The following ATP2B1 variants were observed in gnomAD, a reference collection of about 807,000 sequenced individuals.
The protein encoded by ATP2B1 is ATPase plasma membrane Ca2+ transporting 1.
Under a neutral mutation model 124.2 loss-of-function variants are expected in ATP2B1, and 14 were observed. That is an observed-to-expected ratio of 0.11 (90% CI 0.07 to 0.18). ATP2B1 has a LOEUF of 0.18. ATP2B1 is among the 10% of genes least tolerant of loss of function. ATP2B1 has a pLI of 1.00. For synonymous variants in ATP2B1, 449 were observed against 492.4 expected, an observed-to-expected ratio of 0.91 and a Z score of 1.17; for missense variants, 763 against 1,466.1, an observed-to-expected ratio of 0.52 and a Z score of 7.83.
intron 1 of ATP2B1, among the ~76,000 whole-genome samples, chr12:89,707,618 G>A (rs77202725): frequency 0.019 from 2,930 of 152,256 alleles, 78 homozygotes; most frequent in African/African-American, 0.068. Flanking sequence ...CTGTCGAGGA[G>A]GGTCGAGCCC....
chr12:89,649,352 T>C (rs952631970), intron 2 of ATP2B1, among the ~76,000 whole-genome samples: 1 of 152,236 alleles, frequency 6.6e-6, no homozygotes, highest in African/African-American at 2.4e-5. Flanking sequence ...GACATCGCCC[T>C]TTGTATCAGT....
intron 1 of ATP2B1, among the ~76,000 whole-genome samples, chr12:89,674,497 C>T (rs1347249845): frequency 6.6e-6 from 1 of 152,164 alleles, no homozygotes; most frequent in Non-Finnish European, 1.5e-5. Flanking sequence ...CTCTGGCTTG[C>T]TGCCAAATCT....
At chr12:89,707,144 C>G (rs752715962) in intron 1 of ATP2B1, among the ~76,000 whole-genome samples, 3 of 152,132 alleles carry the variant, frequency 2.0e-5, no homozygotes, top group Non-Finnish European at 2.9e-5. Context: ...TCCAATCCCT[C>G]TTAATTCCCC....
At chr12:89,612,589 T>G (rs1187661503) in intron 12 of ATP2B1, among the ~76,000 whole-genome samples, 1 of 152,214 alleles carries the variant, frequency 6.6e-6, no homozygotes. Context: ...TTAATGTTTC[T>G]AACTCCCCCC....
intron 12 of ATP2B1, 96 bp downstream of exon 12, chr12:89,616,706 C>A: frequency 6.8e-6 from 8 of 1,178,590 alleles, no homozygotes; most frequent in South Asian, 1.6e-5. Context: ...AAATCACAAA[C>A]ACCAAGAATT....
intron 2 of ATP2B1, among the ~76,000 whole-genome samples, chr12:89,643,172 A>G (rs1297886260): frequency 1.3e-5 from 2 of 150,566 alleles, no homozygotes; most frequent in Non-Finnish European, 3.0e-5. Flanking sequence ...ATGTATGTAT[A>G]TATGTATATG....
intron 1 of ATP2B1, among the ~76,000 whole-genome samples, chr12:89,678,894 G>C (rs1293648607): frequency 2.0e-5 from 3 of 152,124 alleles, no homozygotes; most frequent in African/African-American, 7.2e-5. Flanking sequence ...TGTTCGTAAA[G>C]TTAGGTGTTT....
Position 89,703,685 on chromosome 12 carries a change from GTAACT to G in ATP2B1, c.-222+4906_-222+4910del, listed in dbSNP as rs1348136774. On this transcript the variant is annotated intron_variant, in intron 1 of 20. Transcript: ENST00000428670. ...TCTAATAGTTTACAGTGCTTAATAAGTAACTTAAGTAACCACAGATGGATCTTCTG... is the reference window on the plus strand; with the variant it reads ...TCTAATAGTTTACAGTGCTTAATAAGTAAGTAACCACAGATGGATCTTCTG... 3.3e-5 allele frequency among the ~76,000 whole-genome samples: 5 copies of G among 152,122 alleles called. No homozygotes were observed. In the East Asian group the frequency reaches 7.7e-4, roughly 23 times the overall value.
intron 1 of ATP2B1, among the ~76,000 whole-genome samples, chr12:89,697,910 C>G (rs978768224): frequency 6.6e-6 from 1 of 152,018 alleles, no homozygotes; most frequent in Non-Finnish European, 1.5e-5. Flanking sequence ...GAGTCTCGCT[C>G]TGTTGTCCAG....
At chr12:89,601,201 G>C (rs1057350151) in intron 19 of ATP2B1, 125 bp downstream of exon 19, 2 of 658,028 alleles carry the variant, frequency 3.0e-6, no homozygotes, top group African/African-American at 3.8e-5. Context: ...ATCTTTGAAT[G>C]CCCTCTCTTT....
At chr12:89,674,033 T>C (rs762127220) in intron 1 of ATP2B1, among the ~76,000 whole-genome samples, 12 of 152,332 alleles carry the variant, frequency 7.9e-5, no homozygotes, top group Non-Finnish European at 1.3e-4. Context: ...GTTTAACCTC[T>C]TACTGACATG....
chr12:89,635,321 T>C, intron 3 of ATP2B1, 70 bp from the exon 4 acceptor site: 4 of 1,480,808 alleles, frequency 2.7e-6, no homozygotes, highest in Non-Finnish European at 1.8e-6. Flanking sequence ...ATAGTACGTC[T>C]AAATCATATT....
chr12:89,599,770 A>C (rs1459607227), intron 19 of ATP2B1, among the ~76,000 whole-genome samples: 1 of 152,216 alleles, frequency 6.6e-6, no homozygotes, highest in African/African-American at 2.4e-5. Flanking sequence ...GTTTTGTTAC[A>C]TATTTTTTTT....
intron 1 of ATP2B1, among the ~76,000 whole-genome samples, chr12:89,702,888 C>T (rs1892019073): frequency 6.6e-6 from 1 of 152,110 alleles, no homozygotes; most frequent in African/African-American, 2.4e-5. Flanking sequence ...ATAGCTGACA[C>T]TGTCCTAGGA....
intron 2 of ATP2B1, among the ~76,000 whole-genome samples, chr12:89,643,259 T>C (rs1013350990): frequency 5.9e-5 from 9 of 151,464 alleles, no homozygotes; most frequent in East Asian, 1.9e-4. Flanking sequence ...CACACACATA[T>C]ACACATATAT....
rs1873310923 is a variant in ATP2B1, at chr12:89,590,242, A to G, written c.*742T>C. On this transcript the variant is annotated 3_prime_UTR_variant, in exon 21 of 21. Coordinates refer to ENST00000428670, the MANE Select transcript of ATP2B1 (RefSeq NM_001366521.1). ...TAAGAAACTAATTAGGACAGATGTCATAACTTCATTAGAACACCACTGCTC... is the reference window on the plus strand; with the variant it reads ...TAAGAAACTAATTAGGACAGATGTCGTAACTTCATTAGAACACCACTGCTC... 2 of 152,664 alleles carry G rather than the reference A, an allele frequency of 1.3e-5. No individual in the cohort carries two copies. The highest frequency in any genetic ancestry group is 4.1e-4 in the South Asian group (2 of 4,830). 9.5% of individuals were successfully genotyped at this position (152,664 alleles called of 1,614,324 possible). A position where few individuals can be genotyped will look rare whatever the true frequency, so the allele number is the denominator to read the frequency against.
intron 2 of ATP2B1, among the ~76,000 whole-genome samples, chr12:89,642,852 G>C (rs1883777484): frequency 6.6e-6 from 1 of 151,986 alleles, no homozygotes; most frequent in Admixed American, 6.6e-5. Flanking sequence ...TGATGCACCT[G>C]CCTCAGCCTC....
intron 2 of ATP2B1, among the ~76,000 whole-genome samples, chr12:89,655,003 T>C (rs1885782390): frequency 6.6e-6 from 1 of 152,190 alleles, no homozygotes; most frequent in South Asian, 2.1e-4. Context: ...TCTGAAATCA[T>C]TTCAAAGACC....
intron 1 of ATP2B1, among the ~76,000 whole-genome samples, chr12:89,659,654 G>C (rs1201528317): frequency 6.6e-6 from 1 of 152,168 alleles, no homozygotes; most frequent in Non-Finnish European, 1.5e-5. Flanking sequence ...CAGGCGCAGT[G>C]GCTCATGCCT....
Sources: allele counts gnomAD v4.1 joint callset (sites outside exome capture counted in the v4.1 genomes callset), GRCh38; gene constraint gnomAD v4.1.1; transcripts MANE v1.5; gene names NCBI Gene and HGNC (gene_info 2026-07-23, HGNC 2026-07-21).